MYRIP: variants seen among roughly 807,000 people sequenced by gnomAD.
The protein encoded by MYRIP is rab effector MyRIP.
Under a neutral mutation model 98.0 loss-of-function variants are expected in MYRIP, and 49 were observed. The observed-to-expected ratio is 0.50, with a 90% CI of 0.40 to 0.63. MYRIP has a LOEUF of 0.63. MYRIP is among the 30% of genes least tolerant of loss of function. The pLI is 0.00. For synonymous variants in MYRIP, 404 were observed against 409.5 expected (o/e 0.99, Z 0.16); for missense variants, 1,004 against 1,058.2 (o/e 0.95, Z 0.71).
chr3:40,225,527 G>A (rs1456166958), intron 11 of MYRIP, among the ~76,000 whole-genome samples: 1 of 152,214 alleles, frequency 6.6e-6, no homozygotes, highest in Non-Finnish European at 1.5e-5. Flanking sequence ...TATGCACATG[G>A]AAGAAGTGCT....
intron 2 of MYRIP, among the ~76,000 whole-genome samples, chr3:39,903,211 C>T (rs1943786144): frequency 6.6e-6 from 1 of 152,094 alleles, no homozygotes; most frequent in Non-Finnish European, 1.5e-5. Flanking sequence ...ACTGAAATTG[C>T]CAAACATTTG....
intron 3 of MYRIP, among the ~76,000 whole-genome samples, chr3:40,061,042 A>G (rs1046789335): frequency 1.3e-5 from 2 of 152,220 alleles, no homozygotes; most frequent in East Asian, 3.8e-4. Flanking sequence ...ATGCATTTCT[A>G]AAAGCCCTAC....
intron 1 of MYRIP, among the ~76,000 whole-genome samples, chr3:39,859,464 A>C (rs1942398653): frequency 6.6e-6 from 1 of 152,240 alleles, no homozygotes; most frequent in Non-Finnish European, 1.5e-5. Context: ...AACTGTTGCC[A>C]GTCCTTCTCA....
chr3:39,861,806 G>GA (rs1942481179), intron 1 of MYRIP, among the ~76,000 whole-genome samples: 1 of 152,020 alleles, frequency 6.6e-6, no homozygotes, highest in East Asian at 1.9e-4. Context: ...AAACAATAAA[G>GA]AAAAATGAAC....
intron 2 of MYRIP, among the ~76,000 whole-genome samples, chr3:39,979,406 A>G (rs1945829579): frequency 6.6e-6 from 1 of 152,154 alleles, no homozygotes; most frequent in African/African-American, 2.4e-5. Flanking sequence ...TGGAAGGCCA[A>G]GGCGGGCGGA....
At chr3:39,838,474 T>C (rs756825119) in intron 1 of MYRIP, among the ~76,000 whole-genome samples, 8 of 152,194 alleles carry the variant, frequency 5.3e-5, no homozygotes, top group Non-Finnish European at 7.3e-5. Context: ...AATCATGTGG[T>C]TCTTGTCATT....
intron 4 of MYRIP, among the ~76,000 whole-genome samples, chr3:40,160,656 C>T (rs1484196029): frequency 1.2e-4 from 18 of 152,322 alleles, no homozygotes; most frequent in South Asian, 6.2e-4. Context: ...ACTCCGTGGG[C>T]GTAGGACCCT....
At chr3:40,248,659 C>A (rs1953278376) in intron 13 of MYRIP, among the ~76,000 whole-genome samples, 1 of 152,152 alleles carries the variant, frequency 6.6e-6, no homozygotes. Flanking sequence ...TTGTCTTTCC[C>A]AGGGCCCTCT....
chr3:39,999,148 C>T (rs1224891997), intron 2 of MYRIP, among the ~76,000 whole-genome samples: 1 of 152,192 alleles, frequency 6.6e-6, no homozygotes, highest in African/African-American at 2.4e-5. Flanking sequence ...ACACCAAAAG[C>T]AATGGCAACA....
rs1943026822 is a variant in MYRIP at position 39,877,302 on chromosome 3, T to C, written c.-30-23485T>C. Among the ~76,000 whole-genome samples, 6 of 152,288 alleles carry C rather than the reference T, an allele frequency of 3.9e-5. 1 individual carries two copies. In the South Asian group the frequency reaches 1.2e-3, roughly 32 times the overall value. On this transcript the variant is annotated intron_variant, in intron 1 of 16. Coordinates refer to ENST00000302541, the MANE Select transcript of MYRIP (RefSeq NM_015460.4). ...TTTGGTTTGAATGTCCTCCCGTAGC[T>C]CAGAGTAATTTGATCGTCTGAAGCC...
chr3:40,176,425 AAAG>A (rs1950759749), intron 8 of MYRIP, among the ~76,000 whole-genome samples: 1 of 152,162 alleles, frequency 6.6e-6, no homozygotes, highest in African/African-American at 2.4e-5. Flanking sequence ...GGATTTAGAT[AAAG>A]AAGAAGACAT....
chr3:40,159,329 C>G (rs2125585883), intron 4 of MYRIP, among the ~76,000 whole-genome samples: 1 of 152,282 alleles, frequency 6.6e-6, no homozygotes, highest in Non-Finnish European at 1.5e-5. Context: ...GGCCCCCACT[C>G]TCTTCTGGCT....
intron 1 of MYRIP, among the ~76,000 whole-genome samples, chr3:39,842,145 G>T (rs1941822102): frequency 6.6e-6 from 1 of 152,200 alleles, no homozygotes; most frequent in Admixed American, 6.5e-5. Flanking sequence ...TTCTTTTAGA[G>T]ATGCCCTGCC....
At chr3:39,914,941 G>A (rs988705131) in intron 2 of MYRIP, among the ~76,000 whole-genome samples, 1 of 151,952 alleles carries the variant, frequency 6.6e-6, no homozygotes. Flanking sequence ...CCCCTTTGCA[G>A]CATGACACTT....
chr3:39,848,106 T>C (rs1465085997), intron 1 of MYRIP, among the ~76,000 whole-genome samples: 2 of 152,334 alleles, frequency 1.3e-5, no homozygotes, highest in East Asian at 3.9e-4. Flanking sequence ...TCTAGTGTTA[T>C]AGACGCCAGA....
chr3:40,232,844 C>T (rs910875582), intron 11 of MYRIP: 1 of 152,202 alleles, frequency 6.6e-6, no homozygotes, highest in African/African-American at 2.4e-5. Flanking sequence ...GTCAGGAACA[C>T]GTTCAGCCAC....
At chr3:40,078,926 A>C (rs1308112971) in intron 3 of MYRIP, among the ~76,000 whole-genome samples, 1 of 152,140 alleles carries the variant, frequency 6.6e-6, no homozygotes, top group Non-Finnish European at 1.5e-5. Context: ...ATGCTCAGAG[A>C]CCACAAAACC....
intron 1 of MYRIP, among the ~76,000 whole-genome samples, chr3:39,886,140 A>C (rs1575344251): frequency 6.6e-6 from 1 of 151,890 alleles, no homozygotes; most frequent in Non-Finnish European, 1.5e-5. Context: ...GCAAATGCTG[A>C]GAGATTTTGT....
At chr3:40,005,957 G>A (rs1946624632) in intron 2 of MYRIP, among the ~76,000 whole-genome samples, 1 of 152,176 alleles carries the variant, frequency 6.6e-6, no homozygotes, top group Admixed American at 6.5e-5. Flanking sequence ...TGATAGACAA[G>A]GGAAGGCCTT....
Sources: allele counts gnomAD v4.1 joint callset (sites outside exome capture counted in the v4.1 genomes callset), GRCh38; gene constraint gnomAD v4.1.1; transcripts MANE v1.5; gene names NCBI Gene and HGNC (gene_info 2026-07-23, HGNC 2026-07-21).